Variants in HS6ST3 observed in about 807,000 individuals in gnomAD.
The protein encoded by HS6ST3 is heparan-sulfate 6-O-sulfotransferase 3.
HS6ST3 carries 12 observed loss-of-function variants against 36.7 expected under a neutral mutation model. That is an observed-to-expected ratio of 0.33 (90% CI 0.21 to 0.53). The LOEUF is 0.53. HS6ST3 is among the 20% of genes least tolerant of loss of function. The pLI is 0.95. For missense variants in HS6ST3, 584 were observed against 640.9 expected (o/e 0.91, Z 0.96); for synonymous variants, 240 against 257.5 (o/e 0.93, Z 0.65).
At chr13:96,737,319 A>G (rs1026789222) in intron 1 of HS6ST3, among the ~76,000 whole-genome samples, 2 of 152,358 alleles carry the variant, frequency 1.3e-5, no homozygotes. Context: ...CTATGCAGAC[A>G]TATTTCTATA....
chr13:96,226,610 T>C (rs1354700548), intron 1 of HS6ST3, among the ~76,000 whole-genome samples: 1 of 152,224 alleles, frequency 6.6e-6, no homozygotes, highest in Non-Finnish European at 1.5e-5. Context: ...CTAATCAAAA[T>C]ATGTGAACCT....
chr13:96,599,603 C>T (rs1332163048), intron 1 of HS6ST3, among the ~76,000 whole-genome samples: 1 of 150,594 alleles, frequency 6.6e-6, no homozygotes, highest in Admixed American at 6.6e-5. Context: ...TTTCATTGGT[C>T]CTTTGTATTT....
intron 1 of HS6ST3, among the ~76,000 whole-genome samples, chr13:96,559,709 C>T (rs6491300): frequency 0.098 from 14,939 of 152,006 alleles, 1,398 homozygotes; most frequent in African/African-American, 0.25. Flanking sequence ...AAACACATTA[C>T]ACTGCAGATT....
intron 1 of HS6ST3, among the ~76,000 whole-genome samples, chr13:96,803,269 A>C (rs185975723): frequency 3.3e-5 from 5 of 152,318 alleles, no homozygotes; most frequent in African/African-American, 1.2e-4. Context: ...TTTTGAGAAT[A>C]TAATAAAGTA....
At chr13:96,364,679 G>T (rs2055254840) in intron 1 of HS6ST3, among the ~76,000 whole-genome samples, 1 of 152,176 alleles carries the variant, frequency 6.6e-6, no homozygotes, top group South Asian at 2.1e-4. Flanking sequence ...TCAGGAAATG[G>T]ATAGTGGTGA....
chr13:96,474,392 A>G (rs1252435841), intron 1 of HS6ST3, among the ~76,000 whole-genome samples: 2 of 152,188 alleles, frequency 1.3e-5, no homozygotes, highest in African/African-American at 2.4e-5. Context: ...ACGGATAGGA[A>G]ATGTTTAAAA....
intron 1 of HS6ST3, among the ~76,000 whole-genome samples, chr13:96,610,578 T>C (rs1356029123): frequency 6.6e-6 from 1 of 152,164 alleles, no homozygotes; most frequent in Non-Finnish European, 1.5e-5. Flanking sequence ...CATGTATACC[T>C]TGGTGTCCAG....
chr13:96,742,720 C>A (rs1017630928), intron 1 of HS6ST3, among the ~76,000 whole-genome samples: 2 of 152,020 alleles, frequency 1.3e-5, no homozygotes, highest in Non-Finnish European at 2.9e-5. Flanking sequence ...AAGTTTATTT[C>A]TATAAAATAG....
At chr13:96,829,522 G>A (rs1039666491) in intron 1 of HS6ST3, among the ~76,000 whole-genome samples, 2 of 151,958 alleles carry the variant, frequency 1.3e-5, no homozygotes, top group East Asian at 3.9e-4. Context: ...TGTTGTTCCC[G>A]TCTATGTGTC....
intron 1 of HS6ST3, among the ~76,000 whole-genome samples, chr13:96,646,376 T>A (rs2056588631): frequency 6.6e-6 from 1 of 151,986 alleles, no homozygotes; most frequent in Non-Finnish European, 1.5e-5. Context: ...GTGAACAGAG[T>A]CATCCAAACA....
chr13:96,432,654 G>A (rs2055621361), intron 1 of HS6ST3, among the ~76,000 whole-genome samples: 1 of 152,180 alleles, frequency 6.6e-6, no homozygotes, highest in Non-Finnish European at 1.5e-5. Flanking sequence ...TCAGGATGAA[G>A]TTGACACCTT....
intron 1 of HS6ST3, among the ~76,000 whole-genome samples, chr13:96,439,700 T>C (rs1363332154): frequency 6.6e-6 from 1 of 152,226 alleles, no homozygotes; most frequent in Non-Finnish European, 1.5e-5. Flanking sequence ...TTTGGAATGA[T>C]GTCTGACTCA....
chr13:96,835,664 A>C lies in HS6ST3; in HGVS notation c.*2466A>C, dbSNP rs1878910752. 1 of 151,686 alleles carries C rather than the reference A, an allele frequency of 6.6e-6. No homozygotes were observed. The highest frequency in any genetic ancestry group is 2.1e-4 in the South Asian group (1 of 4,822). The allele number at this position is 151,686 out of a possible 1,614,324, so 9.4% of individuals were successfully genotyped here. A position where few individuals can be genotyped will look rare whatever the true frequency, so the allele number is the denominator to read the frequency against. ...AATCCAGTGTTTTGTCATGTGGAAA[A>C]TCAAAACAAGTTAGAAAGCATTCAG... On this transcript the variant is annotated 3_prime_UTR_variant, in exon 2 of 2. Transcript: ENST00000376705.
chr13:96,736,951 G>T (rs1173969483), intron 1 of HS6ST3, among the ~76,000 whole-genome samples: 1 of 152,152 alleles, frequency 6.6e-6, no homozygotes, highest in Admixed American at 6.5e-5. Flanking sequence ...TAGATCTGAA[G>T]TCAGGCTCGA....
chr13:96,607,640 T>C (rs2056443675), intron 1 of HS6ST3, among the ~76,000 whole-genome samples: 1 of 152,198 alleles, frequency 6.6e-6, no homozygotes, highest in South Asian at 2.1e-4. Context: ...AAAGTAAACC[T>C]GTATTTTAGT....
intron 1 of HS6ST3, among the ~76,000 whole-genome samples, chr13:96,700,233 C>A (rs2138451998): frequency 6.6e-6 from 1 of 152,250 alleles, no homozygotes; most frequent in South Asian, 2.1e-4. Context: ...AGGCAAAAGG[C>A]AAATCTTACG....
chr13:96,293,986 C>T (rs1188706567), intron 1 of HS6ST3, among the ~76,000 whole-genome samples: 1 of 152,106 alleles, frequency 6.6e-6, no homozygotes, highest in Non-Finnish European at 1.5e-5. Flanking sequence ...AATTTAAGAT[C>T]TATAGATCCA....
chr13:96,521,596 A>T (rs968551133), intron 1 of HS6ST3, among the ~76,000 whole-genome samples: 1 of 152,198 alleles, frequency 6.6e-6, no homozygotes, highest in Non-Finnish European at 1.5e-5. Context: ...GTATGTGTCC[A>T]GGAATTTATC....
Position 96,291,844 on chromosome 13 carries a change from C to T in HS6ST3, c.707+200275C>T, listed in dbSNP as rs75026304. Among the ~76,000 whole-genome samples, 488 of 152,238 alleles carry T rather than the reference C, an allele frequency of 3.2e-3. 3 individuals carry two copies. Among genetic ancestry groups the T allele is most frequent in the African/African-American group, 0.011 (442 of 41,558 alleles). On this transcript the variant is annotated intron_variant, in intron 1 of 1. Transcript: ENST00000376705. ...TAAAATAATGATCTGATTCACCATGCAGGAAGATCCTAATGATTGTTTTTT... is the reference window on the plus strand; with the variant it reads ...TAAAATAATGATCTGATTCACCATGTAGGAAGATCCTAATGATTGTTTTTT...
Sources: allele counts gnomAD v4.1 joint callset (sites outside exome capture counted in the v4.1 genomes callset), GRCh38; gene constraint gnomAD v4.1.1; transcripts MANE v1.5; gene names NCBI Gene and HGNC (gene_info 2026-07-23, HGNC 2026-07-21).